The following CHSY3 variants were observed in gnomAD, a reference collection of about 807,000 sequenced individuals.
The protein encoded by CHSY3 is N-acetylgalactosaminyl-proteoglycan 3-beta-glucuronosyltransferase 3.
Under a neutral mutation model 67.2 loss-of-function variants are expected in CHSY3, and 35 were observed. The ratio of observed to expected loss-of-function variants is 0.52; its 90% CI spans 0.40 to 0.69. The LOEUF is 0.69. Among genes scored for constraint, CHSY3 ranks in the 30% least tolerant of loss-of-function variants. The pLI, the probability that CHSY3 is intolerant of heterozygous loss-of-function variation, is 0.00. For synonymous variants in CHSY3, 474 were observed against 434.7 expected (o/e 1.09, Z -1.12); for missense variants, 1,069 against 1,138.5 (o/e 0.94, Z 0.88).
rs770319082 is a variant in CHSY3 at position 129,905,674 on chromosome 5, A to C, written c.802+43A>C. Reference sequence around the variant, plus strand: ...GCTTTCCAGCCTGCCAGTCTCCCCGACTCCTTTCTCTGTAACCGGTCCTAG... The same window carrying C: ...GCTTTCCAGCCTGCCAGTCTCCCCGCCTCCTTTCTCTGTAACCGGTCCTAG... On this transcript the variant is annotated intron_variant, in intron 1 of 2. Coordinates refer to ENST00000305031, the MANE Select transcript of CHSY3 (RefSeq NM_175856.5). 5 of 1,596,922 alleles carry C rather than the reference A, an allele frequency of 3.1e-6. No individual in the cohort carries two copies. The African/African-American group carries it at 6.7e-5, about 21-fold the overall frequency.
rs549620149 is a variant in CHSY3, at chr5:130,140,687, A to G, written c.1087-43542A>G. On this transcript the variant is annotated intron_variant, in intron 2 of 2. Coordinates refer to ENST00000305031, the MANE Select transcript of CHSY3 (RefSeq NM_175856.5). ...AATCTCTGACGTTAGGTCTACAGCC[A>G]TAGCCACCCACTTGGGTTGAGAAGA... The G allele has an allele frequency of 1.1e-4, 34 of 321,828 alleles. No individual in the cohort carries two copies. The South Asian group carries it at 2.0e-3, about 19-fold the overall frequency. 19.9% of individuals were successfully genotyped at this position (321,828 alleles called of 1,614,324 possible). A position where few individuals can be genotyped will look rare whatever the true frequency, so the allele number is the denominator to read the frequency against.
intron 2 of CHSY3, among the ~76,000 whole-genome samples, chr5:130,100,127 A>G (rs1455028850): frequency 6.6e-6 from 1 of 152,196 alleles, no homozygotes; most frequent in Non-Finnish European, 1.5e-5. Context: ...AGGTATGGGA[A>G]TATTCATAGA....
chr5:130,128,229 G>GAT (rs1554084699), intron 2 of CHSY3, among the ~76,000 whole-genome samples: 1 of 147,368 alleles, frequency 6.8e-6, no homozygotes, highest in Non-Finnish European at 1.5e-5. Context: ...AAGAAAATGT[G>GAT]GTGTGTGTGT....
chr5:130,179,698 G>C (rs555431406), intron 2 of CHSY3, among the ~76,000 whole-genome samples: 9 of 150,110 alleles, frequency 6.0e-5, no homozygotes, highest in African/African-American at 1.9e-4. Context: ...TTTTTTTCTG[G>C]GGGCAAAAGG....
chr5:130,062,172 C>T (rs1042351121), intron 2 of CHSY3, among the ~76,000 whole-genome samples: 3 of 151,812 alleles, frequency 2.0e-5, no homozygotes, highest in Non-Finnish European at 4.4e-5. Flanking sequence ...GATTGGATAA[C>T]GAAAATGTGG....
chr5:129,931,323 A>C (rs1196853149), intron 2 of CHSY3, among the ~76,000 whole-genome samples: 3 of 152,120 alleles, frequency 2.0e-5, no homozygotes, highest in Non-Finnish European at 2.9e-5. Flanking sequence ...AAACACAGCC[A>C]TTATTTAATT....
intron 2 of CHSY3, among the ~76,000 whole-genome samples, chr5:129,916,783 T>C (rs1444016438): frequency 6.6e-6 from 1 of 152,154 alleles, no homozygotes; most frequent in Non-Finnish European, 1.5e-5. Context: ...CTTGTCTTCA[T>C]GGAGTGCATA....
At chr5:129,970,831 T>C (rs552715381) in intron 2 of CHSY3, among the ~76,000 whole-genome samples, 1 of 152,044 alleles carries the variant, frequency 6.6e-6, no homozygotes, top group East Asian at 1.9e-4. Flanking sequence ...ATTTGGTAAA[T>C]GTCCAAACCT....
chr5:129,960,843 G>T (rs1402997725), intron 2 of CHSY3, among the ~76,000 whole-genome samples: 1 of 151,922 alleles, frequency 6.6e-6, no homozygotes, highest in Admixed American at 6.6e-5. Context: ...ACATAAATAA[G>T]AAAGGGCATT....
chr5:130,036,720 G>A (rs1018782216), intron 2 of CHSY3, among the ~76,000 whole-genome samples: 1 of 152,098 alleles, frequency 6.6e-6, no homozygotes, highest in African/African-American at 2.4e-5. Context: ...TTTTAACATG[G>A]ATTAGTAAAC....
At chr5:130,075,720 T>C (rs1363724196) in intron 2 of CHSY3, among the ~76,000 whole-genome samples, 1 of 152,172 alleles carries the variant, frequency 6.6e-6, no homozygotes, top group Non-Finnish European at 1.5e-5. Flanking sequence ...GTGCTTGCTG[T>C]GCCATCTCCA....
intron 2 of CHSY3, among the ~76,000 whole-genome samples, chr5:129,930,393 G>A (rs1323358489): frequency 6.7e-6 from 1 of 149,942 alleles, no homozygotes; most frequent in African/African-American, 2.4e-5. Context: ...CTTGAAGAGT[G>A]TAGCTATGGA....
intron 2 of CHSY3, among the ~76,000 whole-genome samples, chr5:130,137,276 T>C (rs958264322): frequency 6.6e-6 from 1 of 152,202 alleles, no homozygotes; most frequent in Non-Finnish European, 1.5e-5. Context: ...TTCCTACAAC[T>C]CTTTTCCTTT....
At chr5:130,123,972 G>A (rs560405341) in intron 2 of CHSY3, among the ~76,000 whole-genome samples, 14 of 147,606 alleles carry the variant, frequency 9.5e-5, no homozygotes, top group Admixed American at 6.1e-4. Context: ...GGCAGGAGGC[G>A]GAGCTTGCAG....
At chr5:130,096,128 C>G (rs1409979097) in intron 2 of CHSY3, among the ~76,000 whole-genome samples, 1 of 151,956 alleles carries the variant, frequency 6.6e-6, no homozygotes, top group African/African-American at 2.4e-5. Context: ...TGAATTGGAT[C>G]CTGGAACAAA....
intron 2 of CHSY3, among the ~76,000 whole-genome samples, chr5:130,147,908 A>G (rs1769118740): frequency 6.6e-6 from 1 of 152,168 alleles, no homozygotes; most frequent in Admixed American, 6.5e-5. Flanking sequence ...TTACACAGGT[A>G]AACCCGTGTC....
chr5:130,146,446 A>G (rs997183396), intron 2 of CHSY3, among the ~76,000 whole-genome samples: 1 of 152,128 alleles, frequency 6.6e-6, no homozygotes, highest in Admixed American at 6.6e-5. Flanking sequence ...ATTACCAGAG[A>G]CTGGAGAGGG....
At chr5:130,124,244 A>T (rs1016715198) in intron 2 of CHSY3, among the ~76,000 whole-genome samples, 1 of 152,054 alleles carries the variant, frequency 6.6e-6, no homozygotes, top group African/African-American at 2.4e-5. Flanking sequence ...ATAGCTCCAC[A>T]TTCTCTAAGC....
At chr5:130,144,846 A>G (rs1012592204) in intron 2 of CHSY3, among the ~76,000 whole-genome samples, 1 of 152,150 alleles carries the variant, frequency 6.6e-6, no homozygotes, top group Non-Finnish European at 1.5e-5. Flanking sequence ...ATAAAGAAAA[A>G]AGGTTTAAGT....
Sources: gnomAD v4.1 joint callset for allele counts (sites outside exome capture counted in the v4.1 genomes callset) on GRCh38, gnomAD v4.1.1 for gene constraint, MANE v1.5 for transcripts, NCBI Gene and HGNC (gene_info 2026-07-23, HGNC 2026-07-21) for gene names.